ADAMTS20: variants seen among roughly 807,000 people sequenced by gnomAD.
ADAMTS20 encodes ADAM metallopeptidase with thrombospondin type 1 motif 20, also known as A disintegrin and metalloproteinase with thrombospondin motifs 20.
ADAMTS20 carries 225 observed loss-of-function variants against 260.1 expected under a neutral mutation model. That is an observed-to-expected ratio of 0.87 (90% CI 0.78 to 0.97). The LOEUF is 0.97. ADAMTS20 is among the 50% of genes least tolerant of loss of function. The pLI is 0.00. For missense variants in ADAMTS20, 2,400 were observed against 2,337.7 expected, an observed-to-expected ratio of 1.03 and a Z score of -0.55; for synonymous variants, 802 against 769.5, an observed-to-expected ratio of 1.04 and a Z score of -0.70.
At chr12:43,368,545 A>G (rs979832911) in intron 37 of ADAMTS20, among the ~76,000 whole-genome samples, 4 of 152,172 alleles carry the variant, frequency 2.6e-5, no homozygotes, top group African/African-American at 9.6e-5. Context: ...AGAAGAGACT[A>G]TGACAAACTA....
intron 2 of ADAMTS20, among the ~76,000 whole-genome samples, chr12:43,548,966 C>T (rs1257599815): frequency 6.6e-6 from 1 of 151,864 alleles, no homozygotes; most frequent in Non-Finnish European, 1.5e-5. Context: ...AAGTATGACT[C>T]CTATAGGTGA....
At chr12:43,398,988 G>C in intron 29 of ADAMTS20, 78 bp downstream of exon 29, 1 of 1,004,974 alleles carries the variant, frequency 1.0e-6, no homozygotes, top group Non-Finnish European at 1.3e-6. Context: ...AAACATTCAA[G>C]GTTATGAAAA....
intron 8 of ADAMTS20, among the ~76,000 whole-genome samples, chr12:43,467,431 T>C (rs879371062): frequency 3.9e-5 from 6 of 151,966 alleles, no homozygotes; most frequent in African/African-American, 7.2e-5. Flanking sequence ...AAGCTCAAGT[T>C]TAGAAGGAAC....
intron 18 of ADAMTS20, 85 bp from the exon 19 acceptor site, chr12:43,434,456 T>G: frequency 1.4e-6 from 2 of 1,388,826 alleles, no homozygotes; most frequent in Non-Finnish European, 9.6e-7. Flanking sequence ...GCTAATAGCT[T>G]AAAGGAGCCA....
rs765676064 is a variant in ADAMTS20, at chr12:43,428,689, TTCAGCAG to T, written c.3593_3599del (p.Pro1198GlnfsTer36). On this transcript the variant is annotated frameshift_variant, in exon 25 of 39. Transcript: ENST00000389420. LOFTEE classifies it high-confidence loss of function. ...CACAAGGGGTAAAACAGTCCCATAT[TTCAGCAG>T]GTCGGGGTAAGTGGGCACAATATGA... 8.7e-6 allele frequency: 14 copies of T among 1,611,620 alleles called. No homozygotes were observed. Among genetic ancestry groups the T allele is most frequent in the Non-Finnish European group, 1.0e-5 (12 of 1,178,370 alleles).
chr12:43,413,235 C>T (rs1251499833), intron 28 of ADAMTS20, among the ~76,000 whole-genome samples: 1 of 152,136 alleles, frequency 6.6e-6, no homozygotes, highest in Non-Finnish European at 1.5e-5. Context: ...TTAATTATCA[C>T]ACTATATTTA....
chr12:43,516,463 A>G (rs1191574958), intron 3 of ADAMTS20, among the ~76,000 whole-genome samples: 1 of 152,240 alleles, frequency 6.6e-6, no homozygotes, highest in Non-Finnish European at 1.5e-5. Context: ...AGCATTTACA[A>G]TTAAGTGGTT....
At chr12:43,361,970 C>A (rs1045713762) in intron 37 of ADAMTS20, among the ~76,000 whole-genome samples, 2 of 152,212 alleles carry the variant, frequency 1.3e-5, no homozygotes, top group African/African-American at 4.8e-5. Flanking sequence ...GACCAGATTT[C>A]CAGAACTGGG....
At chr12:43,355,971 A>G (rs1252700287) in intron 38 of ADAMTS20, among the ~76,000 whole-genome samples, 1 of 152,170 alleles carries the variant, frequency 6.6e-6, no homozygotes, top group Non-Finnish European at 1.5e-5. Context: ...CATGAGTACA[A>G]CATAAATACA....
chr12:43,524,029 C>T (rs1258090263), intron 3 of ADAMTS20, among the ~76,000 whole-genome samples: 1 of 151,520 alleles, frequency 6.6e-6, no homozygotes, highest in Non-Finnish European at 1.5e-5. Context: ...CTTCAAGCAC[C>T]ACCTCCTGGC....
At chr12:43,406,955 C>T (rs903597094) in intron 28 of ADAMTS20, among the ~76,000 whole-genome samples, 2 of 151,996 alleles carry the variant, frequency 1.3e-5, no homozygotes, top group Non-Finnish European at 2.9e-5. Context: ...TAATTCAATA[C>T]ACATGTGCTC....
intron 29 of ADAMTS20, among the ~76,000 whole-genome samples, chr12:43,389,504 A>G (rs1415653830): frequency 6.6e-6 from 1 of 152,148 alleles, no homozygotes; most frequent in Non-Finnish European, 1.5e-5. Context: ...TTGGGTCCTC[A>G]GGGCTCTAGG....
At chr12:43,411,342 A>C (rs1176974915) in intron 28 of ADAMTS20, among the ~76,000 whole-genome samples, 1 of 147,938 alleles carries the variant, frequency 6.8e-6, no homozygotes. Flanking sequence ...TGGTTTTCAA[A>C]AAGCATCTGT....
At chr12:43,374,652 T>C (rs1020127282) in intron 36 of ADAMTS20, among the ~76,000 whole-genome samples, 1 of 152,176 alleles carries the variant, frequency 6.6e-6, no homozygotes, top group African/African-American at 2.4e-5. Flanking sequence ...CTGCCTTAAC[T>C]AATACAAGAG....
chr12:43,502,058 TA>T, intron 4 of ADAMTS20, 93 bp downstream of exon 4: 1 of 1,232,932 alleles, frequency 8.1e-7, no homozygotes, highest in Non-Finnish European at 1.1e-6. Context: ...AAATTACATC[TA>T]AAGAGTTTGG....
At chr12:43,475,710 C>T (rs979877863) in intron 7 of ADAMTS20, among the ~76,000 whole-genome samples, 1 of 149,922 alleles carries the variant, frequency 6.7e-6, no homozygotes, top group Non-Finnish European at 1.5e-5. Context: ...ACTATCTGAT[C>T]TTTGACAAAC....
chr12:43,375,660 A>C (rs1940210303), intron 35 of ADAMTS20, 148 bp from the exon 36 acceptor site: 1 of 844,932 alleles, frequency 1.2e-6, no homozygotes, highest in Non-Finnish European at 1.8e-6. Context: ...AAAATCACTT[A>C]AGGTGAACAT....
In ADAMTS20 at chr12:43,551,980, G is replaced by C. The variant is rs1943525292; in HGVS notation, c.-59C>G. 2 of 1,455,970 alleles carry C rather than the reference G, an allele frequency of 1.4e-6. No individual in the cohort carries two copies. Among genetic ancestry groups the C allele is most frequent in the Admixed American group, 1.7e-5 (1 of 59,356 alleles). 90.2% of individuals were successfully genotyped at this position (1,455,970 alleles called of 1,614,324 possible). A position where few individuals can be genotyped will look rare whatever the true frequency, so the allele number is the denominator to read the frequency against. ...CACCAGAGCCGCCGGCAGCCAAGCC[G>C]GCTTCCCTCGCGCTCCGATCCCTCT... On this transcript the variant is annotated 5_prime_UTR_variant, in exon 1 of 39. Transcript: ENST00000389420. The surrounding 1 kb of genome is among the most constrained non-coding windows in gnomAD (Gnocchi z 4.6).
intron 37 of ADAMTS20, among the ~76,000 whole-genome samples, chr12:43,360,155 A>C (rs1333756511): frequency 2.0e-5 from 3 of 152,218 alleles, no homozygotes; most frequent in Non-Finnish European, 4.4e-5. Context: ...AGACTTGAAA[A>C]CACATATCAC....
Sources: gnomAD v4.1 joint callset for allele counts (sites outside exome capture counted in the v4.1 genomes callset) on GRCh38, gnomAD v4.1.1 for gene constraint, Gnocchi (gnomAD v3.1) non-coding constraint, MANE v1.5 for transcripts, NCBI Gene and HGNC (gene_info 2026-07-23, HGNC 2026-07-21) for gene names.